SORCS1: variants seen among roughly 807,000 people sequenced by gnomAD.
SORCS1 encodes VPS10 domain-containing receptor SorCS1.
A neutral mutation model predicts 146.1 loss-of-function variants in SORCS1; 60 were observed. The observed-to-expected ratio is 0.41, with a 90% CI of 0.33 to 0.51. SORCS1 has a LOEUF of 0.51. Ranked by LOEUF, SORCS1 falls within the 20% of genes least tolerant of loss-of-function variation. The pLI is 0.21. For synonymous variants in SORCS1, 637 were observed against 584.0 expected (o/e 1.09, Z -1.31); for missense variants, 1,352 against 1,487.6 (o/e 0.91, Z 1.50).
chr10:106,928,189 G>GGAGC (rs1379029140), intron 2 of SORCS1, among the ~76,000 whole-genome samples: 3 of 152,232 alleles, frequency 2.0e-5, no homozygotes, highest in African/African-American at 7.2e-5. Flanking sequence ...GGGCCGCACA[G>GGAGC]GAGCCCACGA....
At chr10:106,906,610 C>A (rs2138152530) in intron 2 of SORCS1, among the ~76,000 whole-genome samples, 1 of 152,312 alleles carries the variant, frequency 6.6e-6, no homozygotes, top group Middle Eastern at 3.4e-3. Context: ...ACAGGAAAGA[C>A]TGGCCCCCAT....
chr10:106,882,972 C>A (rs1288832245), intron 2 of SORCS1, among the ~76,000 whole-genome samples: 1 of 152,126 alleles, frequency 6.6e-6, no homozygotes, highest in African/African-American at 2.4e-5. Context: ...AATGACCATC[C>A]CCACATACAC....
chr10:106,769,138 T>C (rs1234895170), intron 4 of SORCS1, among the ~76,000 whole-genome samples: 1 of 152,134 alleles, frequency 6.6e-6, no homozygotes, highest in Admixed American at 6.6e-5. Context: ...ATGTCTGCCA[T>C]TGAAAGCAGC....
At chr10:106,897,859 G>C (rs926218245) in intron 2 of SORCS1, among the ~76,000 whole-genome samples, 2 of 152,228 alleles carry the variant, frequency 1.3e-5, no homozygotes, top group African/African-American at 2.4e-5. Context: ...CATAAGAATG[G>C]AACAAACATT....
intron 4 of SORCS1, among the ~76,000 whole-genome samples, chr10:106,763,045 G>T (rs991577322): frequency 1.3e-5 from 2 of 152,070 alleles, no homozygotes; most frequent in Admixed American, 1.3e-4. Flanking sequence ...AAAGGGAACA[G>T]AGTTCATACC....
At chr10:107,086,279 A>G (rs755683972) in intron 1 of SORCS1, among the ~76,000 whole-genome samples, 8 of 152,220 alleles carry the variant, frequency 5.3e-5, no homozygotes, top group Non-Finnish European at 1.2e-4. Context: ...CACTTCTCAA[A>G]GCTTGGAAGT....
chr10:106,583,315 TGGAGA>T (rs1845031910), intron 24 of SORCS1, among the ~76,000 whole-genome samples: 1 of 152,208 alleles, frequency 6.6e-6, no homozygotes, highest in Non-Finnish European at 1.5e-5. Flanking sequence ...ATTCCCCATA[TGGAGA>T]TTCACAATGC....
At position 106,783,600 on chromosome 10, in the gene SORCS1, T is replaced by G. The variant is rs1351112091; in HGVS notation, c.727-6908A>C. Among the ~76,000 whole-genome samples the G allele has an allele frequency of 3.3e-5, 5 of 152,226 alleles. No individual in the cohort carries two copies. In the South Asian group the frequency reaches 1.0e-3, roughly 32 times the overall value. ...AGAGACAGCAAGAAGAAATGGGGTG[T>G]AAGATAATGGAGAATTCCAGTAACA... On this transcript the variant is annotated intron_variant, in intron 3 of 25. Coordinates refer to ENST00000263054, the MANE Select transcript of SORCS1 (RefSeq NM_052918.5).
chr10:106,671,120 A>T, intron 16 of SORCS1, 117 bp downstream of exon 16: 3 of 1,374,082 alleles, frequency 2.2e-6, no homozygotes, highest in Admixed American at 4.2e-5. Flanking sequence ...TTATAAGAAT[A>T]TGAAGCTGGC....
At chr10:106,801,095 T>A (rs951937095) in intron 3 of SORCS1, among the ~76,000 whole-genome samples, 1 of 152,230 alleles carries the variant, frequency 6.6e-6, no homozygotes. Flanking sequence ...AATCAATGTC[T>A]GATGATTGAA....
chr10:107,159,058 T>C (rs1286988142), intron 1 of SORCS1, among the ~76,000 whole-genome samples: 1 of 152,164 alleles, frequency 6.6e-6, no homozygotes, highest in Admixed American at 6.6e-5. Flanking sequence ...AACATGAAGA[T>C]GTAATACAAT....
chr10:106,598,757 T>C (rs1846060602), intron 23 of SORCS1, among the ~76,000 whole-genome samples: 1 of 152,164 alleles, frequency 6.6e-6, no homozygotes, highest in East Asian at 1.9e-4. Flanking sequence ...ATAACGCCTT[T>C]AATCCCTTTA....
At chr10:107,103,501 C>G (rs1590144303) in intron 1 of SORCS1, among the ~76,000 whole-genome samples, 2 of 152,192 alleles carry the variant, frequency 1.3e-5, no homozygotes, top group Non-Finnish European at 2.9e-5. Context: ...CATAAGGTCT[C>G]TTTGTCCAAA....
chr10:107,113,074 G>C (rs1965798515), intron 1 of SORCS1, among the ~76,000 whole-genome samples: 1 of 152,112 alleles, frequency 6.6e-6, no homozygotes, highest in Admixed American at 6.5e-5. Context: ...AAATGCACAT[G>C]AACTTTCTCC....
At chr10:106,820,939 T>C (rs1237571717) in intron 3 of SORCS1, among the ~76,000 whole-genome samples, 1 of 152,196 alleles carries the variant, frequency 6.6e-6, no homozygotes, top group Non-Finnish European at 1.5e-5. Context: ...GGGTAATGGA[T>C]GGGCACTTAA....
intron 17 of SORCS1, among the ~76,000 whole-genome samples, chr10:106,665,686 CTT>C (rs1032749083): frequency 6.6e-6 from 1 of 151,976 alleles, no homozygotes; most frequent in Non-Finnish European, 1.5e-5. Context: ...AAAAATAAGA[CTT>C]ATTTTTTTCT....
intron 2 of SORCS1, among the ~76,000 whole-genome samples, chr10:106,942,487 C>T (rs1487357554): frequency 6.6e-6 from 1 of 152,190 alleles, no homozygotes; most frequent in Non-Finnish European, 1.5e-5. Context: ...ATCTGGATCT[C>T]AGCATTATTC....
At chr10:106,817,606 AC>A (rs1428999294) in intron 3 of SORCS1, among the ~76,000 whole-genome samples, 1 of 152,240 alleles carries the variant, frequency 6.6e-6, no homozygotes, top group Non-Finnish European at 1.5e-5. Flanking sequence ...TATCAAAGGA[AC>A]ATTTTATGAG....
intron 1 of SORCS1, among the ~76,000 whole-genome samples, chr10:106,956,863 G>A (rs1954969378): frequency 6.6e-6 from 1 of 152,132 alleles, no homozygotes; most frequent in African/African-American, 2.4e-5. Flanking sequence ...AGCGCTTTTA[G>A]GGAAGGCTGG....
Sources: gnomAD v4.1 joint callset for allele counts (sites outside exome capture counted in the v4.1 genomes callset) on GRCh38, gnomAD v4.1.1 for gene constraint, MANE v1.5 for transcripts, NCBI Gene and HGNC (gene_info 2026-07-23, HGNC 2026-07-21) for gene names.